Variants in SCML1 observed in about 807,000 individuals in gnomAD.
SCML1 encodes the protein sex comb on midleg-like protein 1.
For synonymous variants in SCML1, 104 were observed against 103.6 expected (o/e 1.00, Z -0.02); for missense variants, 137 against 258.1 (o/e 0.53, Z 3.22).
chrX:17,746,596 G>C (rs1370754533), intron 4 of SCML1, among the ~76,000 whole-genome samples: 1 of 111,947 alleles, frequency 8.9e-6, no homozygotes, highest in Non-Finnish European at 1.9e-5. Context: ...AGGTAATGAA[G>C]GTTTATATAT....
chrX:17,746,154 CT>C, intron 4 of SCML1, 56 bp downstream of exon 4: 1 of 690,341 alleles, frequency 1.4e-6, no homozygotes, highest in Non-Finnish European at 2.2e-6. Flanking sequence ...CAAAAATTCT[CT>C]TTATCTCACA....
chrX:17,749,487 T>A lies in SCML1; in HGVS notation c.286T>A (p.Ser96Thr). The A allele has an allele frequency of 8.6e-7, 1 of 1,165,212 alleles. No individual in the cohort carries two copies. The highest frequency in any genetic ancestry group is 3.0e-5 in the East Asian group (1 of 33,631). Reference protein sequence around the residue: ...VSKIQRFHARSLWTNHKRYGY... With the variant: ...VSKIQRFHARTLWTNHKRYGY... ...AAAAATCCAACGTTTCCATGCGAGATCCCTGTGGACAAATCATGTAAGTGT... is the reference window on the plus strand; with the variant it reads ...AAAAATCCAACGTTTCCATGCGAGAACCCTGTGGACAAATCATGTAAGTGT... The change falls in exon 5 of 8, where the codon TCC becomes ACC. Residue 96 changes from serine (S) to threonine (T), a missense_variant. Physicochemically the swap from Ser to Thr is moderately conservative, Grantham distance 58. Coordinates refer to ENST00000380041, the MANE Select transcript of SCML1 (RefSeq NM_001037540.3).
intron 7 of SCML1, among the ~76,000 whole-genome samples, chrX:17,752,262 C>G (rs1329941060): frequency 9.0e-6 from 1 of 111,266 alleles, no homozygotes; most frequent in African/African-American, 3.3e-5. Flanking sequence ...AGATCCTCCC[C>G]CTATCTGCTC....
chrX:17,747,568 G>A (rs774359258), intron 4 of SCML1, among the ~76,000 whole-genome samples: 6 of 111,476 alleles, frequency 5.4e-5, no homozygotes, highest in African/African-American at 9.8e-5. Context: ...CTCACCTGGC[G>A]AGGGCCTTCT....
chrX:17,738,889 G>T (rs2066566930), intron 1 of SCML1, among the ~76,000 whole-genome samples: 1 of 112,199 alleles, frequency 8.9e-6, no homozygotes, highest in African/African-American at 3.2e-5. Flanking sequence ...AATTAATTTT[G>T]CACAATCTAG....
intron 5 of SCML1, 65 bp downstream of exon 5, chrX:17,749,569 G>T (rs1420374729): frequency 1.4e-6 from 1 of 696,981 alleles, no homozygotes; most frequent in Non-Finnish European, 2.2e-6. Context: ...ATGCCAATGA[G>T]CTAGAAGTGA....
intron 1 of SCML1, among the ~76,000 whole-genome samples, chrX:17,740,325 G>A (rs1180791710): frequency 9.0e-6 from 1 of 111,720 alleles, no homozygotes; most frequent in Non-Finnish European, 1.9e-5. Context: ...TGAAAATGAC[G>A]TTATGACCCA....
chrX:17,737,752 G>C (rs1347574207), intron 1 of SCML1, 72 bp downstream of exon 1: 1 of 111,668 alleles, frequency 9.0e-6, no homozygotes, highest in Non-Finnish European at 1.9e-5. Context: ...CTTAGGGGCC[G>C]GGGCTCTCCT....
At chrX:17,749,372 A>AT in intron 4 of SCML1, 28 bp from the exon 5 acceptor site, 1 of 824,296 alleles carries the variant, frequency 1.2e-6, no homozygotes, top group Non-Finnish European at 1.7e-6. Context: ...TTGTATACCA[A>AT]TTATATGACT....
At position 17,754,100 on chromosome X, in the gene SCML1, A is replaced by G. The variant is rs1296786353; in HGVS notation, c.*708A>G. On this transcript the variant is annotated 3_prime_UTR_variant, in exon 8 of 8. Coordinates refer to ENST00000380041, the MANE Select transcript of SCML1 (RefSeq NM_001037540.3). ...GAAGTCTGACTACTTTTTTTCAAAC[A>G]AACTATTATATTAAAACTGTCATAT... 1 of 112,015 alleles carries G rather than the reference A, an allele frequency of 8.9e-6. No homozygotes were observed. Among genetic ancestry groups the G allele is most frequent in the Admixed American group, 9.5e-5 (1 of 10,553 alleles). 9.2% of individuals were successfully genotyped at this position (112,015 alleles called of 1,213,427 possible).
chrX:17,737,415 T>G (rs78030543), upstream of SCML1: 3 of 22,895 alleles, frequency 1.3e-4, no homozygotes, highest in Admixed American at 7.8e-4. Flanking sequence ...GGTCAGCGGG[T>G]AGTCCCGCCC....
intron 1 of SCML1, among the ~76,000 whole-genome samples, chrX:17,743,677 G>A (rs1266625228): frequency 9.0e-6 from 1 of 111,564 alleles, no homozygotes; most frequent in African/African-American, 3.3e-5. Context: ...ATAGTCGGGG[G>A]GGACCCAATC....
chrX:17,744,016 C>A, intron 1 of SCML1, 55 bp from the exon 2 acceptor site: 1 of 385,834 alleles, frequency 2.6e-6, no homozygotes, highest in Non-Finnish European at 4.5e-6. Context: ...AGAGTATATC[C>A]ATATTATTAA....
chrX:17,751,793 CT>C (rs768135265), intron 6 of SCML1, 21 bp from the exon 7 acceptor site: 1 of 1,190,426 alleles, frequency 8.4e-7, no homozygotes, highest in African/African-American at 1.8e-5. Context: ...TCTTTTTTTT[CT>C]TTTCCCCCTC....
At position 17,753,250 on chromosome X, in the gene SCML1, C is replaced by A; in HGVS notation, c.856-8C>A. The A allele has an allele frequency of 8.9e-7, 1 of 1,128,803 alleles. No individual in the cohort carries two copies. Among genetic ancestry groups the A allele is most frequent in the Non-Finnish European group, 1.2e-6 (1 of 851,728 alleles). 93.0% of individuals were successfully genotyped at this position (1,128,803 alleles called of 1,213,427 possible). The stretch of plus-strand genomic sequence containing the variant: ...TATTAATTATCGTTAAGTTTCTTCT[C>A]TCCATAGGAAATTGACGGGAAGGCT... On this transcript the variant is annotated splice_polypyrimidine_tract_variant and splice_region_variant and intron_variant, in intron 7 of 7. Transcript: ENST00000380041.
intron 1 of SCML1, among the ~76,000 whole-genome samples, chrX:17,741,421 A>T (rs373123616): frequency 8.9e-6 from 1 of 111,742 alleles, no homozygotes; most frequent in East Asian, 2.8e-4. Flanking sequence ...GGCAAGTGGT[A>T]AGAAGTGACC....
chrX:17,739,321 A>G (rs753980943), intron 1 of SCML1, among the ~76,000 whole-genome samples: 1 of 111,594 alleles, frequency 9.0e-6, no homozygotes, highest in Non-Finnish European at 1.9e-5. Flanking sequence ...TAAAGCTGAA[A>G]TTATTTATCT....
intron 4 of SCML1, among the ~76,000 whole-genome samples, chrX:17,748,653 AT>A (rs1352583240): frequency 8.9e-6 from 1 of 111,858 alleles, no homozygotes. Flanking sequence ...GTTTAAGTGT[AT>A]TTTTCTTTGC....
upstream of SCML1, among the ~76,000 whole-genome samples, chrX:17,737,254 C>T (rs928111999): frequency 1.6e-4 from 17 of 107,565 alleles, no homozygotes; most frequent in Middle Eastern, 0.025. Flanking sequence ...CCCTCGGCCC[C>T]GCCCCACAGC....
Sources: gnomAD v4.1 joint callset for allele counts (sites outside exome capture counted in the v4.1 genomes callset) on GRCh38, gnomAD v4.1.1 for gene constraint, MANE v1.5 for transcripts, NCBI Gene and HGNC (gene_info 2026-07-23, HGNC 2026-07-21) for gene names.